The following ARHGAP6 variants were observed in gnomAD, a reference collection of about 807,000 sequenced individuals.
The protein encoded by ARHGAP6 is Rho GTPase activating protein 6.
ARHGAP6 carries 16 observed loss-of-function variants against 55.7 expected under a neutral mutation model. That is an observed-to-expected ratio of 0.29 (90% CI 0.19 to 0.44). The LOEUF (loss-of-function observed/expected upper bound fraction) is 0.44. Ranked by LOEUF, ARHGAP6 falls within the 20% of genes least tolerant of loss-of-function variation. The pLI, the probability that ARHGAP6 is intolerant of heterozygous loss-of-function variation, is 1.00. For synonymous variants in ARHGAP6, 382 were observed against 360.9 expected (o/e 1.06, Z -0.66); for missense variants, 698 against 808.9 (o/e 0.86, Z 1.66).
chrX:11,336,802 G>T (rs1038955764), intron 1 of ARHGAP6, among the ~76,000 whole-genome samples: 2 of 111,781 alleles, frequency 1.8e-5, no homozygotes, highest in South Asian at 7.6e-4. Flanking sequence ...CATTCATCTG[G>T]GTTCTAGCAA....
chrX:11,520,387 G>C (rs755754988), intron 1 of ARHGAP6, among the ~76,000 whole-genome samples: 4 of 101,997 alleles, frequency 3.9e-5, no homozygotes, highest in African/African-American at 1.4e-4. Flanking sequence ...GTTCAATTTC[G>C]ACCTATGAGT....
Position 11,590,846 on chromosome X carries a change from GA to G in ARHGAP6, c.588+73394del, listed in dbSNP as rs1569410851. Among the ~76,000 whole-genome samples the G allele has an allele frequency of 6.9e-4, 25 of 36,409 alleles. 3 individuals are homozygous for G. The highest frequency in any genetic ancestry group is 3.2e-3 in the African/African-American group (19 of 5,978). The allele number at this position is 36,409 out of a possible 115,157, so 31.6% of individuals were successfully genotyped here. On this transcript the variant is annotated intron_variant, in intron 1 of 12. Coordinates refer to ENST00000337414, the MANE Select transcript of ARHGAP6 (RefSeq NM_013427.3). ...GAAAAGAAAAGAAAAGAAAAGAAAA[GA>G]AAAGAAAAGAAAAGAAAAGAAGGAA...
intron 1 of ARHGAP6, among the ~76,000 whole-genome samples, chrX:11,587,960 A>T (rs1261901551): frequency 9.0e-6 from 1 of 111,614 alleles, no homozygotes; most frequent in Non-Finnish European, 1.9e-5. Flanking sequence ...TATATATTTA[A>T]CCCCTCTGCG....
At chrX:11,238,100 T>C (rs1667879613) in intron 2 of ARHGAP6, among the ~76,000 whole-genome samples, 1 of 112,388 alleles carries the variant, frequency 8.9e-6, no homozygotes, top group Admixed American at 9.4e-5. Context: ...AGAGCAGCTA[T>C]GAACCCAAAT....
chrX:11,369,810 A>G (rs1373028498), intron 1 of ARHGAP6, among the ~76,000 whole-genome samples: 1 of 112,077 alleles, frequency 8.9e-6, no homozygotes, highest in Admixed American at 9.5e-5. Context: ...TCAAAGCTTA[A>G]CATCAGAAGT....
chrX:11,534,047 C>A (rs184679255), intron 1 of ARHGAP6, among the ~76,000 whole-genome samples: 3 of 110,880 alleles, frequency 2.7e-5, no homozygotes, highest in African/African-American at 9.8e-5. Flanking sequence ...AGTTAGGTGG[C>A]CTTATCTAGG....
intron 1 of ARHGAP6, among the ~76,000 whole-genome samples, chrX:11,549,585 C>T (rs2051245596): frequency 2.7e-5 from 3 of 111,966 alleles, no homozygotes; most frequent in African/African-American, 9.7e-5. Flanking sequence ...CACAAATCAC[C>T]TAGAAATGCA....
chrX:11,280,655 G>A (rs1435121249), intron 1 of ARHGAP6, among the ~76,000 whole-genome samples: 4 of 107,177 alleles, frequency 3.7e-5, no homozygotes, highest in African/African-American at 1.4e-4. Context: ...TGAGATGGGA[G>A]GACTGCTTGA....
At chrX:11,302,292 G>T (rs1348368458) in intron 1 of ARHGAP6, among the ~76,000 whole-genome samples, 5 of 111,771 alleles carry the variant, frequency 4.5e-5, no homozygotes, top group Admixed American at 9.5e-5. Context: ...ACTTCTTGAA[G>T]TTGAAAAATA....
chrX:11,509,741 G>C (rs183786697), intron 1 of ARHGAP6, among the ~76,000 whole-genome samples: 2 of 112,411 alleles, frequency 1.8e-5, no homozygotes, highest in African/African-American at 6.4e-5. Context: ...AGCAAAGATG[G>C]TTAGAAAAAC....
At position 11,169,492 on chromosome X, in the gene ARHGAP6, A is replaced by G. The variant is rs1156945521; in HGVS notation, c.1809+13T>C. 3.4e-6 allele frequency: 4 copies of G among 1,170,962 alleles called. No homozygotes were observed. In the South Asian group the frequency reaches 6.0e-5, roughly 18 times the overall value. ...AGTTTGCTGTGATGTCCTGCCACAG[A>G]AGGGCCACCTACCATGAACAGGGCT... is the stretch of plus-strand genomic sequence containing the variant. On this transcript the variant is annotated intron_variant, in intron 9 of 12. Coordinates refer to ENST00000337414, the MANE Select transcript of ARHGAP6 (RefSeq NM_013427.3).
chrX:11,173,002 T>G (rs1602774883), intron 8 of ARHGAP6, among the ~76,000 whole-genome samples: 1 of 112,093 alleles, frequency 8.9e-6, no homozygotes, highest in South Asian at 3.7e-4. Context: ...ACTGGCCATT[T>G]CAATTCTTTC....
At chrX:11,229,972 T>C (rs1220052233) in intron 2 of ARHGAP6, among the ~76,000 whole-genome samples, 1 of 112,157 alleles carries the variant, frequency 8.9e-6, no homozygotes, top group Non-Finnish European at 1.9e-5. Context: ...TAAAGGATTT[T>C]CCTTTTACCC....
At chrX:11,147,527 G>A (rs1252903498) in intron 10 of ARHGAP6, among the ~76,000 whole-genome samples, 1 of 112,447 alleles carries the variant, frequency 8.9e-6, no homozygotes, top group Non-Finnish European at 1.9e-5. Flanking sequence ...TCCAGTCATT[G>A]TGGATACCTT....
In ARHGAP6 at chrX:11,663,128, C is replaced by G. The variant is rs777703194; in HGVS notation, c.588+1113G>C. ...TTAATAATATGTGATGCTAATAATT[C>G]TGATAAATGATGCTTATTTTTCTAA... On this transcript the variant is annotated intron_variant, in intron 1 of 12. Transcript: ENST00000337414. Among the ~76,000 whole-genome samples the G allele has an allele frequency of 4.5e-5, 5 of 112,351 alleles. No homozygotes were observed. The East Asian group carries it at 1.4e-3, about 31-fold the overall frequency.
chrX:11,272,930 A>T (rs1347131690), intron 1 of ARHGAP6, among the ~76,000 whole-genome samples: 2 of 112,107 alleles, frequency 1.8e-5, no homozygotes, highest in African/African-American at 6.5e-5. Flanking sequence ...TTTGAATTCA[A>T]GTTCAGCATA....
At chrX:11,262,557 G>A (rs2047574854) in intron 1 of ARHGAP6, among the ~76,000 whole-genome samples, 1 of 111,481 alleles carries the variant, frequency 9.0e-6, no homozygotes. Flanking sequence ...ACTCCCCAGG[G>A]CCAAACAAGG....
At chrX:11,635,142 C>A in intron 1 of ARHGAP6, among the ~76,000 whole-genome samples, 1 of 112,395 alleles carries the variant, frequency 8.9e-6, no homozygotes, top group Non-Finnish European at 1.9e-5. Context: ...TCAAACTTCA[C>A]AATCTTTTGT....
At chrX:11,431,416 CCA>C (rs1205146511) in intron 1 of ARHGAP6, among the ~76,000 whole-genome samples, 3 of 112,760 alleles carry the variant, frequency 2.7e-5, no homozygotes, top group Non-Finnish European at 3.7e-5. Flanking sequence ...TTAAAATTTT[CCA>C]CAGTTAATGC....
Sources: allele counts gnomAD v4.1 joint callset (sites outside exome capture counted in the v4.1 genomes callset), GRCh38; gene constraint gnomAD v4.1.1; transcripts MANE v1.5; gene names NCBI Gene and HGNC (gene_info 2026-07-23, HGNC 2026-07-21).